Variants in ENTPD1 observed in about 807,000 individuals in gnomAD.
ENTPD1 encodes the protein ATP diphosphohydrolase.
A neutral mutation model predicts 57.0 loss-of-function variants in ENTPD1; 33 were observed. The ratio of observed to expected loss-of-function variants is 0.58; its 90% CI spans 0.44 to 0.77. ENTPD1 has a LOEUF of 0.77. ENTPD1 is among the 30% of genes least tolerant of loss of function. ENTPD1 has a pLI of 0.00. For missense variants in ENTPD1, 501 were observed against 603.4 expected, an observed-to-expected ratio of 0.83 and a Z score of 1.78; for synonymous variants, 202 against 218.8, an observed-to-expected ratio of 0.92 and a Z score of 0.68.
At chr10:95,710,442 CTA>C (rs1460714810), upstream of ENTPD1, among the ~76,000 whole-genome samples, 1 of 152,016 alleles carries the variant, frequency 6.6e-6, no homozygotes, top group Non-Finnish European at 1.5e-5. Flanking sequence ...ATTAAAATAA[CTA>C]TGTAATTTAT....
chr10:95,845,518 C>G lies in ENTPD1; in HGVS notation c.735C>G (p.Asp245Glu). 6.2e-7 allele frequency: 1 copy of G among 1,614,210 alleles called. No individual in the cohort carries two copies. The highest frequency in any genetic ancestry group is 8.5e-7 in the Non-Finnish European group (1 of 1,180,032). ...TGCAATTTCGCCTCTATGGCAAGGA[C>G]TACAATGTCTACACACATAGCTTCT... ...NALQFRLYGK[D>E]YNVYTHSFLC... Residue 245 changes from aspartate to glutamate, a missense_variant, in exon 6 of 10, where the codon GAC becomes GAG. Asp to Glu is a conservative substitution (Grantham distance 45). Transcript: ENST00000371205.
At chr10:95,832,699 C>T (rs1336519834) in intron 2 of ENTPD1, among the ~76,000 whole-genome samples, 2 of 152,174 alleles carry the variant, frequency 1.3e-5, no homozygotes, top group Admixed American at 1.3e-4. Context: ...GGGACCAGAC[C>T]ACTTTGATTT....
At chr10:95,755,992 G>T (rs897915475), upstream of ENTPD1, 1 of 1,464,892 alleles carries the variant, frequency 6.8e-7, no homozygotes, top group Non-Finnish European at 9.0e-7. Context: ...CCTGGAAAAG[G>T]CTTCGAGTAA....
chr10:95,711,813 A>T, exon 1 of ENTPD1: 2 of 1,087,524 alleles, frequency 1.8e-6, no homozygotes, highest in Non-Finnish European at 2.8e-6. Flanking sequence ...ATAAATTTGT[A>T]TGCCTTTTCT....
chr10:95,835,030 A>T (rs1188995312), intron 2 of ENTPD1, among the ~76,000 whole-genome samples: 2 of 152,142 alleles, frequency 1.3e-5, no homozygotes, highest in South Asian at 2.1e-4. Flanking sequence ...GCTTCTAATG[A>T]TCCTGTCACC....
intron 1 of ENTPD1, among the ~76,000 whole-genome samples, chr10:95,718,053 A>G (rs2097973605): frequency 6.6e-6 from 1 of 151,906 alleles, no homozygotes; most frequent in African/African-American, 2.4e-5. Context: ...CTTTAGAAAA[A>G]CTCCTATATG....
chr10:95,828,704 T>A (rs1169596099), intron 2 of ENTPD1, among the ~76,000 whole-genome samples: 4 of 139,238 alleles, frequency 2.9e-5, no homozygotes, highest in Non-Finnish European at 4.6e-5. Flanking sequence ...TAGAAGGTTA[T>A]CCCCATTTTT....
rs191938554 is a variant in ENTPD1, at chr10:95,864,135, T to G, written c.1189-589T>G. Among the ~76,000 whole-genome samples the G allele has an allele frequency of 3.6e-3, 546 of 152,108 alleles. 3 individuals are homozygous for G. Among genetic ancestry groups the G allele is most frequent in the African/African-American group, 0.012 (517 of 41,486 alleles). On this transcript the variant is annotated intron_variant, in intron 8 of 9. Transcript: ENST00000371205. Reference sequence around the variant, plus strand: ...AGACATTAAGACAGAAGATAGAAGGTGAGATGTTGGCAGTGCTAGCAGTCC... The same window carrying G: ...AGACATTAAGACAGAAGATAGAAGGGGAGATGTTGGCAGTGCTAGCAGTCC...
chr10:95,832,080 T>A (rs558568792), intron 2 of ENTPD1, among the ~76,000 whole-genome samples: 1 of 152,328 alleles, frequency 6.6e-6, no homozygotes, highest in South Asian at 2.1e-4. Context: ...AACATCTGAT[T>A]TGGGTAGTTG....
intron 1 of ENTPD1, chr10:95,712,069 C>T: frequency 6.3e-7 from 1 of 1,599,154 alleles, no homozygotes; most frequent in South Asian, 1.1e-5. Context: ...GTAAAAATCA[C>T]TGTTTGTCTC....
chr10:95,736,637 A>G lies in ENTPD1; in HGVS notation c.37+24644A>G, dbSNP rs1360235091. On this transcript the variant is annotated intron_variant, in intron 1 of 9. Coordinates refer to the ENTPD1 transcript ENST00000453258. ...GCACACCCCTTCAGATCTCTTCACT[A>G]TTTCTGTGCACTCCAACTCCTGGTG... is the stretch of plus-strand genomic sequence containing the variant. Among the ~76,000 whole-genome samples the G allele has an allele frequency of 2.0e-5, 3 of 152,046 alleles. No individual in the cohort carries two copies. In the South Asian group the frequency reaches 6.2e-4, roughly 32 times the overall value.
chr10:95,839,486 T>G, intron 2 of ENTPD1: 1 of 622,636 alleles, frequency 1.6e-6, no homozygotes, highest in Non-Finnish European at 2.9e-6. Flanking sequence ...ATTTCTAACA[T>G]GCAAACAGCA....
intron 1 of ENTPD1, 68 bp downstream of exon 1, chr10:95,756,323 G>C (rs2098024053): frequency 2.0e-6 from 3 of 1,509,132 alleles, no homozygotes; most frequent in African/African-American, 1.4e-5. Context: ...TAAAAGCCCA[G>C]ACCAAAAAGC....
intron 2 of ENTPD1, among the ~76,000 whole-genome samples, chr10:95,836,777 T>C (rs1242156548): frequency 6.6e-6 from 1 of 152,226 alleles, no homozygotes; most frequent in Non-Finnish European, 1.5e-5. Flanking sequence ...CTCTGGAACA[T>C]GCATTGGAAA....
chr10:95,782,744 C>G (rs140411167), intron 1 of ENTPD1, among the ~76,000 whole-genome samples: 1 of 152,118 alleles, frequency 6.6e-6, no homozygotes, highest in Non-Finnish European at 1.5e-5. Context: ...CTGTTGTTCC[C>G]CCAACCCCAA....
chr10:95,837,421 T>C (rs979952508), intron 2 of ENTPD1, among the ~76,000 whole-genome samples: 1 of 152,220 alleles, frequency 6.6e-6, no homozygotes, highest in African/African-American at 2.4e-5. Flanking sequence ...TTAGTCAGTG[T>C]TCCTCTCTGC....
intron 1 of ENTPD1, among the ~76,000 whole-genome samples, chr10:95,772,151 G>A (rs1044988830): frequency 1.3e-5 from 2 of 152,178 alleles, no homozygotes; most frequent in African/African-American, 2.4e-5. Context: ...TACTCTTTTT[G>A]TTGGTGGAGA....
intron 1 of ENTPD1, among the ~76,000 whole-genome samples, chr10:95,743,655 G>C (rs1236943774): frequency 6.6e-6 from 1 of 151,652 alleles, no homozygotes; most frequent in Admixed American, 6.6e-5. Context: ...TTTATACTTT[G>C]GATTATCTTT....
intron 1 of ENTPD1, among the ~76,000 whole-genome samples, chr10:95,771,478 G>A (rs1411490752): frequency 6.6e-6 from 1 of 152,188 alleles, no homozygotes; most frequent in East Asian, 1.9e-4. Flanking sequence ...ATGTGCTCAT[G>A]TTGCACAACT....
Sources: gnomAD v4.1 joint callset for allele counts (sites outside exome capture counted in the v4.1 genomes callset) on GRCh38, gnomAD v4.1.1 for gene constraint, MANE v1.5 for transcripts, NCBI Gene and HGNC (gene_info 2026-07-23, HGNC 2026-07-21) for gene names.